The following CHGB variants were observed in gnomAD, a reference collection of about 807,000 sequenced individuals.
CHGB encodes secretogranin-1.
Under a neutral mutation model 69.9 loss-of-function variants are expected in CHGB, and 46 were observed. The ratio of observed to expected loss-of-function variants is 0.66; its 90% CI spans 0.52 to 0.84. CHGB has a LOEUF of 0.84. CHGB is among the 40% of genes least tolerant of loss of function. The probability of loss-of-function intolerance (pLI) is 0.00; values close to 1 mark genes in which losing one functional copy is unlikely to be tolerated. For synonymous variants in CHGB, 312 were observed against 298.2 expected, an observed-to-expected ratio of 1.05 and a Z score of -0.48; for missense variants, 796 against 822.2, an observed-to-expected ratio of 0.97 and a Z score of 0.39.
intron 3 of CHGB, among the ~76,000 whole-genome samples, chr20:5,918,794 A>G (rs2088494818): frequency 7.9e-6 from 1 of 125,852 alleles, no homozygotes; most frequent in Admixed American, 1.0e-4. Flanking sequence ...CCTCAGTGAC[A>G]GAGCGAGTCT....
In CHGB at chr20:5,922,540, G is replaced by A. The variant is rs1306412217; in HGVS notation, c.396G>A (p.Glu132=). 6.2e-7 allele frequency: 1 copy of A among 1,612,992 alleles called. No homozygotes were observed. Among genetic ancestry groups the A allele is most frequent in the Non-Finnish European group, 8.5e-7 (1 of 1,179,406 alleles). The change falls in exon 4 of 5, where the codon GAG becomes GAA. Residue 132 remains glutamate, a synonymous_variant. Coordinates refer to ENST00000378961, the MANE Select transcript of CHGB (RefSeq NM_001819.3). ...KWAEGGGHSR[E]RADEPQWSLY... Reference sequence around the variant, plus strand: ...CAGAGGGAGGCGGGCACAGCCGAGAGCGAGCGGATGAGCCCCAGTGGAGCC... The same window carrying A: ...CAGAGGGAGGCGGGCACAGCCGAGAACGAGCGGATGAGCCCCAGTGGAGCC...
At position 5,922,739 on chromosome 20, in the gene CHGB, C is replaced by G. The variant is rs763311063; in HGVS notation, c.595C>G (p.Leu199Val). 8.8e-5 allele frequency: 142 copies of G among 1,613,990 alleles called. No individual in the cohort carries two copies. The highest frequency in any genetic ancestry group is 1.2e-4 in the Non-Finnish European group (140 of 1,180,042). Residue 199 changes from leucine to valine, a missense_variant, in exon 4 of 5, where the codon CTC becomes GTC. Transcript: ENST00000378961. Reference protein sequence around the residue: ...EEPGETQNAFLNERKQASAIK... With the variant: ...EEPGETQNAFVNERKQASAIK... ...GCCAGGAGAGACACAAAACGCTTTT[C>G]TCAATGAAAGAAAGCAGGCTTCAGC...
At chr20:5,911,924 A>C (rs1408623618) in intron 1 of CHGB, among the ~76,000 whole-genome samples, 1 of 152,202 alleles carries the variant, frequency 6.6e-6, no homozygotes, top group East Asian at 1.9e-4. Flanking sequence ...TCTGTATCTG[A>C]GTTTTCCTCT....
At chr20:5,922,301 CTG>C in intron 3 of CHGB, 32 bp from the exon 4 acceptor site, 1 of 1,500,706 alleles carries the variant, frequency 6.7e-7, no homozygotes, top group South Asian at 1.4e-5. Context: ...ACAAGCAATT[CTG>C]AAATTATACC....
rs200903465 is a variant in CHGB, at chr20:5,922,536, G to A, written c.392G>A (p.Arg131Gln). 8.1e-6 allele frequency: 13 copies of A among 1,612,860 alleles called. No individual in the cohort carries two copies. The highest frequency in any genetic ancestry group is 5.3e-5 in the African/African-American group (4 of 74,972). The change falls in exon 4 of 5, where the codon CGA becomes CAA. Residue 131 changes from arginine to glutamine, a missense_variant. Physicochemically the swap from Arg to Gln is conservative, Grantham distance 43. Around this residue, in one of 3 missense-constraint regions of CHGB, gnomAD observed 518 missense variants for 506.3 expected, o/e 1.02. Transcript: ENST00000378961. ...TGGGCAGAGGGAGGCGGGCACAGCC[G>A]AGAGCGAGCGGATGAGCCCCAGTGG... Reference protein sequence around the residue: ...EKWAEGGGHSRERADEPQWSL... With the variant: ...EKWAEGGGHSQERADEPQWSL...
At position 5,922,529 on chromosome 20, in the gene CHGB, C is replaced by T; in HGVS notation, c.385C>T (p.His129Tyr). The change falls in exon 4 of 5, where the codon CAC becomes TAC. Residue 129 changes from histidine (H) to tyrosine (Y), a missense_variant. Physicochemically the swap from His to Tyr is moderately conservative, Grantham distance 83. Around this residue, in one of 3 missense-constraint regions of CHGB, gnomAD observed 518 missense variants for 506.3 expected, o/e 1.02. Coordinates refer to ENST00000378961, the MANE Select transcript of CHGB (RefSeq NM_001819.3). ...AGAGAAATGGGCAGAGGGAGGCGGG[C>T]ACAGCCGAGAGCGAGCGGATGAGCC... Reference protein sequence around the residue: ...DTEKWAEGGGHSRERADEPQW... With the variant: ...DTEKWAEGGGYSRERADEPQW... 6.2e-7 allele frequency: 1 copy of T among 1,612,708 alleles called. No individual in the cohort carries two copies. Among genetic ancestry groups the T allele is most frequent in the Non-Finnish European group, 8.5e-7 (1 of 1,179,172 alleles).
In CHGB at chr20:5,912,033, C is replaced by A. The variant is rs186671597; in HGVS notation, c.49+351C>A. Among the ~76,000 whole-genome samples the A allele has an allele frequency of 3.5e-4, 53 of 152,284 alleles. No individual in the cohort carries two copies. The East Asian group carries it at 9.7e-3, about 28-fold the overall frequency. On this transcript the variant is annotated intron_variant, in intron 1 of 4. Coordinates refer to ENST00000378961, the MANE Select transcript of CHGB (RefSeq NM_001819.3). The stretch of plus-strand genomic sequence containing the variant: ...CTCTCTCTGCCCGTCTAGAGAGATT[C>A]TGTTGTCTGATTCTGTATCTGTTTG...
Position 5,916,972 on chromosome 20 carries a change from C to T in CHGB, c.190+53C>T, listed in dbSNP as rs117145081. 623 of 1,486,654 alleles carry T rather than the reference C, an allele frequency of 4.2e-4. 7 individuals carry two copies. In the East Asian group the frequency reaches 0.01, roughly 24 times the overall value. The allele number at this position is 1,486,654 out of a possible 1,614,324, so 92.1% of individuals were successfully genotyped here. On this transcript the variant is annotated intron_variant, in intron 3 of 4. Coordinates refer to ENST00000378961, the MANE Select transcript of CHGB (RefSeq NM_001819.3). ...TTGGTCACTGCAGTGATCCTTGTTC[C>T]TACTCCCTCCACATCACCTTCTACT...
At position 5,922,744 on chromosome 20, in the gene CHGB, T is replaced by A; in HGVS notation, c.600T>A (p.Asn200Lys). 1 of 1,613,906 alleles carries A rather than the reference T, an allele frequency of 6.2e-7. No homozygotes were observed. Among genetic ancestry groups the A allele is most frequent in the Non-Finnish European group, 8.5e-7 (1 of 1,179,970 alleles). Reference protein sequence around the residue: ...EPGETQNAFLNERKQASAIKK... With the variant: ...EPGETQNAFLKERKQASAIKK... ...GAGAGACACAAAACGCTTTTCTCAA[T>A]GAAAGAAAGCAGGCTTCAGCTATAA... Residue 200 changes from asparagine to lysine, a missense_variant, in exon 4 of 5, where the codon AAT becomes AAA. Asn to Lys is a moderately conservative substitution (Grantham distance 94). Around this residue, in one of 3 missense-constraint regions of CHGB, gnomAD observed 518 missense variants for 506.3 expected, o/e 1.02. Transcript: ENST00000378961.
rs563121293 is a variant in CHGB at position 5,916,223 on chromosome 20, CA to C, written c.50-102del. ...TTTCCAAATATATTTAAGACATTGC[CA>C]GGGGAAAAACAACAACTAATGTGGG... is the stretch of plus-strand genomic sequence containing the variant. On this transcript the variant is annotated intron_variant, in intron 1 of 4. Coordinates refer to ENST00000378961, the MANE Select transcript of CHGB (RefSeq NM_001819.3). 589 of 811,610 alleles carry C rather than the reference CA, an allele frequency of 7.3e-4. 9 individuals carry two copies. The South Asian group carries it at 8.6e-3, about 12-fold the overall frequency. 50.3% of individuals were successfully genotyped at this position (811,610 alleles called of 1,614,324 possible). A position where few individuals can be genotyped will look rare whatever the true frequency, so the allele number is the denominator to read the frequency against.
In CHGB at chr20:5,922,851, G is replaced by T. The variant is rs1407393217; in HGVS notation, c.707G>T (p.Ser236Ile). ...AAGACACATAGCCGAGAGAAGAGTAGCCAGGAGAGTGGAGAGGAGACAGGG... is the reference window on the plus strand; with the variant it reads ...AAGACACATAGCCGAGAGAAGAGTATCCAGGAGAGTGGAGAGGAGACAGGG... ...QEKTHSREKSSQESGEETGSQ... is the reference protein window; with the variant it reads ...QEKTHSREKSIQESGEETGSQ... The change falls in exon 4 of 5, where the codon AGC becomes ATC. Residue 236 changes from serine (S) to isoleucine (I), a missense_variant. Physicochemically the swap from Ser to Ile is moderately radical, Grantham distance 142. Transcript: ENST00000378961. 1.9e-6 allele frequency: 3 copies of T among 1,614,016 alleles called. No homozygotes were observed. Among genetic ancestry groups the T allele is most frequent in the South Asian group, 2.2e-5 (2 of 91,076 alleles).
chr20:5,922,076 A>G (rs1339977440), intron 3 of CHGB, among the ~76,000 whole-genome samples: 7 of 152,230 alleles, frequency 4.6e-5, no homozygotes. Context: ...CAGTTTGATC[A>G]TTGGTAGTAC....
chr20:5,916,187 A>C (rs1050788226), intron 1 of CHGB, 139 bp from the exon 2 acceptor site: 15 of 663,916 alleles, frequency 2.3e-5, no homozygotes, highest in Admixed American at 1.3e-4. Flanking sequence ...CCGGATCTAA[A>C]ATAGCATTTG....
At chr20:5,913,244 A>C (rs1600210225) in intron 1 of CHGB, among the ~76,000 whole-genome samples, 1 of 152,238 alleles carries the variant, frequency 6.6e-6, no homozygotes, top group Admixed American at 6.5e-5. Context: ...CTTTTAAATT[A>C]TATAGTTCAG....
chr20:5,924,837 T>A lies in CHGB; in HGVS notation c.1957-135T>A, dbSNP rs1170844536. 1.2e-5 allele frequency: 7 copies of A among 561,652 alleles called. No individual in the cohort carries two copies. In the African/African-American group the frequency reaches 1.3e-4, roughly 11 times the overall value. 34.8% of individuals were successfully genotyped at this position (561,652 alleles called of 1,614,324 possible). A position where few individuals can be genotyped will look rare whatever the true frequency, so the allele number is the denominator to read the frequency against. ...TGCCACTGGTCAGGGGACCACACTT[T>A]GAGAGTTACTGAGGTAGGTTGACTA... On this transcript the variant is annotated intron_variant, in intron 4 of 4. Coordinates refer to ENST00000378961, the MANE Select transcript of CHGB (RefSeq NM_001819.3).
In CHGB at chr20:5,922,577, G is replaced by A. The variant is rs6133278; in HGVS notation, c.433G>A (p.Asp145Asn). Residue 145 changes from aspartate (D) to asparagine (N), a missense_variant, in exon 4 of 5, where the codon GAC becomes AAC. Asp to Asn is a conservative substitution (Grantham distance 23, BLOSUM62 1). Transcript: ENST00000378961. ...GCCCCAGTGGAGCCTCTATCCCTCC[G>A]ACAGCCAAGTCTCTGAAGAAGTGAA... The part of the protein sequence containing the change: ...DEPQWSLYPS[D>N]SQVSEEVKTR... 0.028 allele frequency: 45,123 copies of A among 1,613,746 alleles called. 3,402 individuals carry two copies. The East Asian group carries it at 0.35, about 12-fold the overall frequency.
chr20:5,924,881 C>A, intron 4 of CHGB, 91 bp from the exon 5 acceptor site: 1 of 727,574 alleles, frequency 1.4e-6, no homozygotes, highest in Non-Finnish European at 2.4e-6. Flanking sequence ...TCTAACATGC[C>A]TAAAATTCCC....
rs766026838 is a variant in CHGB at position 5,922,764 on chromosome 20, C to T, written c.620C>T (p.Ala207Val). 6.2e-6 allele frequency: 10 copies of T among 1,614,026 alleles called. No individual in the cohort carries two copies. The Admixed American group carries it at 1.7e-4, about 27-fold the overall frequency. The change falls in exon 4 of 5, where the codon GCT (alanine) becomes GTT (valine). Residue 207 changes from alanine (A) to valine (V), a missense_variant. Physicochemically the swap from Ala to Val is moderately conservative, Grantham distance 64. This residue lies in a region of CHGB where 518 missense variants were observed against 506.3 expected (regional missense o/e 1.02). Coordinates refer to ENST00000378961, the MANE Select transcript of CHGB (RefSeq NM_001819.3). ...AFLNERKQAS[A>V]IKKEELVARS... ...CTCAATGAAAGAAAGCAGGCTTCAG[C>T]TATAAAAAAAGAGGAGTTAGTGGCC...
rs372023928 is a variant in CHGB, at chr20:5,923,321, G to A, written c.1177G>A (p.Glu393Lys). Reference sequence around the variant, plus strand: ...GGACAAGAGAAACTACCCCAGCTTAGAGCTTGATAAGATGGCACATGGATA... The same window carrying A: ...GGACAAGAGAAACTACCCCAGCTTAAAGCTTGATAAGATGGCACATGGATA... ...EEDKRNYPSL[E>K]LDKMAHGYGE... Residue 393 changes from glutamate (E) to lysine (K), a missense_variant, in exon 4 of 5, where the codon GAG (glutamate) becomes AAG (lysine). Physicochemically the swap from Glu to Lys is moderately conservative, Grantham distance 56. Around this residue, in one of 3 missense-constraint regions of CHGB, gnomAD observed 518 missense variants for 506.3 expected, o/e 1.02. Coordinates refer to ENST00000378961, the MANE Select transcript of CHGB (RefSeq NM_001819.3). The A allele has an allele frequency of 6.2e-6, 10 of 1,613,736 alleles. No individual in the cohort carries two copies. Among genetic ancestry groups the A allele is most frequent in the Non-Finnish European group, 8.5e-6 (10 of 1,180,032 alleles).
Sources: gnomAD v4.1 joint callset for allele counts (sites outside exome capture counted in the v4.1 genomes callset) on GRCh38, gnomAD v4.1.1 for gene constraint, gnomAD v4.1.1 regional missense constraint, MANE v1.5 for transcripts, NCBI Gene and HGNC (gene_info 2026-07-23, HGNC 2026-07-21) for gene names.